The following GREB1L variants were observed in gnomAD, a reference collection of about 807,000 sequenced individuals.
GREB1L encodes GREB1 like retinoic acid receptor coactivator, also known as GREB1-like protein.
GREB1L carries 17 observed loss-of-function variants against 200.8 expected under a neutral mutation model. The observed-to-expected ratio is 0.08, with a 90% CI of 0.06 to 0.13. The LOEUF (loss-of-function observed/expected upper bound fraction) is 0.13. GREB1L is among the 10% of genes least tolerant of loss of function. GREB1L has a pLI of 1.00. For synonymous variants in GREB1L, 789 were observed against 893.0 expected (o/e 0.88, Z 2.08); for missense variants, 1,657 against 2,367.7 (o/e 0.70, Z 6.23).
intron 1 of GREB1L, among the ~76,000 whole-genome samples, chr18:21,345,010 C>G (rs576119389): frequency 2.0e-5 from 3 of 152,142 alleles, no homozygotes; most frequent in Non-Finnish European, 4.4e-5. Flanking sequence ...TCTCTTCAAG[C>G]CTGTACCCAC....
At position 21,268,258 on chromosome 18, in the gene GREB1L, A is replaced by T. The variant is rs187473057; in HGVS notation, c.-120+25865A>T. ...TGCCTTTGTCTTGTGTGGGAAAGGG[A>T]GAAGTGTTTGTGCCAGCTTCTGGCA... is the stretch of plus-strand genomic sequence containing the variant. On this transcript the variant is annotated intron_variant, in intron 1 of 32. Transcript: ENST00000424526. 6.5e-4 allele frequency among the ~76,000 whole-genome samples: 99 copies of T among 151,930 alleles called. No homozygotes were observed. The Middle Eastern group carries it at 0.014, about 21-fold the overall frequency.
intron 1 of GREB1L, among the ~76,000 whole-genome samples, chr18:21,348,919 TG>T (rs780763987): frequency 1.3e-4 from 20 of 152,238 alleles, no homozygotes; most frequent in Non-Finnish European, 2.6e-4. Context: ...CACTCCAGCC[TG>T]GGTGACAGAG....
intron 1 of GREB1L, among the ~76,000 whole-genome samples, chr18:21,252,449 C>T (rs866001856): frequency 6.7e-6 from 1 of 150,058 alleles, no homozygotes; most frequent in Non-Finnish European, 1.5e-5. Context: ...CCCAGCTACT[C>T]GGGAGGCTGA....
intron 1 of GREB1L, among the ~76,000 whole-genome samples, chr18:21,303,624 G>C (rs2038653861): frequency 6.6e-6 from 1 of 152,160 alleles, no homozygotes; most frequent in Non-Finnish European, 1.5e-5. Flanking sequence ...AAGATCTAAG[G>C]TCATTCACTG....
At chr18:21,497,074 T>C (rs1466326889) in intron 21 of GREB1L, among the ~76,000 whole-genome samples, 1 of 152,220 alleles carries the variant, frequency 6.6e-6, no homozygotes, top group Non-Finnish European at 1.5e-5. Context: ...TTGTGCTAAA[T>C]GGCTTAGTAC....
At chr18:21,247,980 C>T (rs1483179281) in intron 1 of GREB1L, among the ~76,000 whole-genome samples, 3 of 151,998 alleles carry the variant, frequency 2.0e-5, no homozygotes, top group South Asian at 2.1e-4. Context: ...GAAACCTCAG[C>T]GCCCACTAAA....
At chr18:21,493,809 T>C (rs2036435056) in intron 19 of GREB1L, among the ~76,000 whole-genome samples, 1 of 116,570 alleles carries the variant, frequency 8.6e-6, no homozygotes, top group South Asian at 3.0e-4. Flanking sequence ...GAGGTCGCCA[T>C]GAGCCAAGAT....
chr18:21,343,110 G>A (rs1369854304), intron 1 of GREB1L, among the ~76,000 whole-genome samples: 1 of 151,692 alleles, frequency 6.6e-6, no homozygotes, highest in East Asian at 1.9e-4. Context: ...CTAAGTCATG[G>A]ACACCTTTTG....
At chr18:21,261,416 A>C (rs1287999987) in intron 1 of GREB1L, among the ~76,000 whole-genome samples, 1 of 152,056 alleles carries the variant, frequency 6.6e-6, no homozygotes, top group African/African-American at 2.4e-5. Flanking sequence ...AGCTACCATG[A>C]ATGTTCTCTT....
chr18:21,480,463 A>G (rs958466438), intron 17 of GREB1L, among the ~76,000 whole-genome samples: 2 of 152,192 alleles, frequency 1.3e-5, no homozygotes, highest in East Asian at 1.9e-4. Context: ...GTGAATAGTT[A>G]TACTCTTCTT....
intron 1 of GREB1L, among the ~76,000 whole-genome samples, chr18:21,315,159 G>A (rs1438892490): frequency 6.6e-6 from 1 of 151,978 alleles, no homozygotes; most frequent in Admixed American, 6.6e-5. Context: ...GCATGGTTAT[G>A]GCTCACTTTA....
chr18:21,485,723 T>G lies in GREB1L; in HGVS notation c.2660T>G (p.Phe887Cys). 6.4e-7 allele frequency: 1 copy of G among 1,551,434 alleles called. No individual in the cohort carries two copies. The highest frequency in any genetic ancestry group is 8.7e-7 in the Non-Finnish European group (1 of 1,146,918). Reference sequence around the variant, plus strand: ...CCACTTCTGAGATGTGACGAGACTTTTGAAAAAATGGTGAACACACTCTTG... The same window carrying G: ...CCACTTCTGAGATGTGACGAGACTTGTGAAAAAATGGTGAACACACTCTTG... ...TSPLLRCDET[F>C]EKMVNTLLER... is the part of the protein sequence containing the mutation. The change falls in exon 18 of 33, where the codon TTT becomes TGT. Residue 887 changes from phenylalanine (F) to cysteine (C), a missense_variant. Physicochemically the swap from Phe to Cys is radical, Grantham distance 205. Around this residue, in one of 9 missense-constraint regions of GREB1L, gnomAD observed 82 missense variants for 95.9 expected, o/e 0.85. Coordinates refer to ENST00000424526, the MANE Select transcript of GREB1L (RefSeq NM_001142966.3).
At chr18:21,404,059 A>G (rs2041426759) in intron 7 of GREB1L, 65 bp downstream of exon 7, 9 of 1,362,756 alleles carry the variant, frequency 6.6e-6, no homozygotes, top group Non-Finnish European at 9.2e-6. Context: ...TTTTTAAAAT[A>G]TATACTTACT....
At chr18:21,384,547 A>G (rs1383143375) in intron 4 of GREB1L, 144 bp downstream of exon 4, 2 of 670,312 alleles carry the variant, frequency 3.0e-6, no homozygotes, top group Non-Finnish European at 5.1e-6. Flanking sequence ...TCTCATTCAC[A>G]TTATCTCCTG....
rs1317533470 is a variant in GREB1L at position 21,401,430 on chromosome 18, C to G, written c.709+104C>G. The G allele has an allele frequency of 3.0e-6, 3 of 992,640 alleles. No individual in the cohort carries two copies. The African/African-American group carries it at 4.9e-5, about 16-fold the overall frequency. The allele number at this position is 992,640 out of a possible 1,614,324, so 61.5% of individuals were successfully genotyped here. A position where few individuals can be genotyped will look rare whatever the true frequency, so the allele number is the denominator to read the frequency against. ...TTCAGGTGGGATACAGATAAATATC[C>G]TAAGTTCAGAAGGATATCCCAAAAT... is the stretch of plus-strand genomic sequence containing the variant. On this transcript the variant is annotated intron_variant, in intron 6 of 32. Coordinates refer to ENST00000424526, the MANE Select transcript of GREB1L (RefSeq NM_001142966.3).
intron 7 of GREB1L, among the ~76,000 whole-genome samples, chr18:21,424,518 A>C (rs534567290): frequency 6.6e-6 from 1 of 152,254 alleles, no homozygotes; most frequent in African/African-American, 2.4e-5. Flanking sequence ...ACAGTGAGCC[A>C]AGATTGTGCC....
At chr18:21,420,303 C>A (rs2032043750) in intron 7 of GREB1L, among the ~76,000 whole-genome samples, 1 of 148,162 alleles carries the variant, frequency 6.7e-6, no homozygotes, top group South Asian at 2.3e-4. Flanking sequence ...ACCTGGGAGG[C>A]GGAGGTTGCA....
intron 1 of GREB1L, among the ~76,000 whole-genome samples, chr18:21,278,267 C>G (rs1376243974): frequency 1.3e-5 from 2 of 151,572 alleles, no homozygotes; most frequent in Non-Finnish European, 2.9e-5. Context: ...GTAATCCCAG[C>G]TGCTTGGGAG....
intron 28 of GREB1L, among the ~76,000 whole-genome samples, 161 bp downstream of exon 28, chr18:21,514,147 G>C (rs539962290): frequency 9.8e-5 from 15 of 152,322 alleles, no homozygotes; most frequent in African/African-American, 3.6e-4. Flanking sequence ...TGGTGACTTA[G>C]GAATCTTTTA....
Sources: gnomAD v4.1 joint callset for allele counts (sites outside exome capture counted in the v4.1 genomes callset) on GRCh38, gnomAD v4.1.1 for gene constraint, gnomAD v4.1.1 regional missense constraint, MANE v1.5 for transcripts, NCBI Gene and HGNC (gene_info 2026-07-23, HGNC 2026-07-21) for gene names.